The following ATP2B2 variants were observed in gnomAD, a reference collection of about 807,000 sequenced individuals.
ATP2B2 encodes plasma membrane calcium-transporting ATPase 2.
A neutral mutation model predicts 120.0 loss-of-function variants in ATP2B2; 15 were observed. The observed-to-expected ratio is 0.12, with a 90% confidence interval of 0.08 to 0.19. ATP2B2 has a LOEUF of 0.19. Among genes scored for constraint, ATP2B2 ranks in the 10% least tolerant of loss-of-function variants. ATP2B2 has a pLI of 1.00. For synonymous variants in ATP2B2, 694 were observed against 700.3 expected (o/e 0.99, Z 0.14); for missense variants, 1,045 against 1,719.8 (o/e 0.61, Z 6.94).
At chr3:10,610,265 A>G (rs374584701) in intron 2 of ATP2B2, among the ~76,000 whole-genome samples, 6 of 151,920 alleles carry the variant, frequency 3.9e-5, no homozygotes, top group African/African-American at 1.4e-4. Context: ...CTTGAAGCCG[A>G]AGGGCATGAG....
chr3:10,355,729 G>A (rs2060695707), intron 14 of ATP2B2, among the ~76,000 whole-genome samples: 1 of 152,178 alleles, frequency 6.6e-6, no homozygotes, highest in Non-Finnish European at 1.5e-5. Flanking sequence ...CCCTGGGCAT[G>A]GGGAGCTCTC....
intron 1 of ATP2B2, among the ~76,000 whole-genome samples, chr3:10,707,454 C>T (rs2071913445): frequency 6.6e-6 from 1 of 152,200 alleles, no homozygotes; most frequent in South Asian, 2.1e-4. Flanking sequence ...CTGCAGCTCT[C>T]AACCTGTCCC....
At position 10,698,342 on chromosome 3, in the gene ATP2B2, AAGAC is replaced by A. The variant is rs1252067204; in HGVS notation, c.-460+9569_-460+9572del. 4.6e-5 allele frequency among the ~76,000 whole-genome samples: 7 copies of A among 152,290 alleles called. No individual in the cohort carries two copies. In the South Asian group the frequency reaches 8.3e-4, roughly 18 times the overall value. On this transcript the variant is annotated intron_variant, in intron 1 of 21. Coordinates refer to the ATP2B2 transcript ENST00000646379. Reference sequence around the variant, plus strand: ...ATGCCTTCTGGTTGACAATGGCAGAAAGACAGAAGGACCATGGGTTTTGATGGCA... The same window carrying A: ...ATGCCTTCTGGTTGACAATGGCAGAAAGAAGGACCATGGGTTTTGATGGCA...
At chr3:10,580,244 G>C (rs1437033003) in intron 2 of ATP2B2, among the ~76,000 whole-genome samples, 2 of 152,174 alleles carry the variant, frequency 1.3e-5, no homozygotes, top group Non-Finnish European at 2.9e-5. Context: ...AGGAAACGCG[G>C]AATACTCTAA....
intron 1 of ATP2B2, among the ~76,000 whole-genome samples, chr3:10,631,603 G>T (rs1559496336): frequency 6.6e-6 from 1 of 152,150 alleles, no homozygotes; most frequent in African/African-American, 2.4e-5. Context: ...GGCTACTGTG[G>T]ACATGGTGGG....
rs369504156 is a variant in ATP2B2, at chr3:10,431,751, A to C, written c.199+17594T>G. The stretch of plus-strand genomic sequence containing the variant: ...AACATCTACTGAATGAATAACTTAA[A>C]AAAAAAAAAAGGATTTCCCAGTGTC... On this transcript the variant is annotated intron_variant, in intron 2 of 22. Transcript: ENST00000360273. Among the ~76,000 whole-genome samples, 15 of 151,802 alleles carry C rather than the reference A, an allele frequency of 9.9e-5. 1 individual carries two copies. The East Asian group carries it at 2.1e-3, about 22-fold the overall frequency.
chr3:10,585,389 G>A (rs1443234966), intron 2 of ATP2B2, among the ~76,000 whole-genome samples: 1 of 150,444 alleles, frequency 6.6e-6, no homozygotes, highest in African/African-American at 2.4e-5. Context: ...CAGCTACTCA[G>A]AGGCTGAGGC....
intron 3 of ATP2B2, among the ~76,000 whole-genome samples, chr3:10,526,409 G>A (rs1009312356): frequency 1.3e-5 from 2 of 152,194 alleles, no homozygotes; most frequent in Non-Finnish European, 2.9e-5. Context: ...AGGAGCTTGA[G>A]GAGCTCTGCA....
rs1440646007 is a variant in ATP2B2 at position 10,375,140 on chromosome 3, G to A, written c.1416+290C>T. Among the ~76,000 whole-genome samples, 2 of 152,156 alleles carry A rather than the reference G, an allele frequency of 1.3e-5. No homozygotes were observed. The highest frequency in any genetic ancestry group is 4.8e-5 in the African/African-American group (2 of 41,434). ...AGATTTCTGGCTTCTCTTGGAAAAAGGTGACAATGTGGCAATGCTGGGCCT... is the reference window on the plus strand; with the variant it reads ...AGATTTCTGGCTTCTCTTGGAAAAAAGTGACAATGTGGCAATGCTGGGCCT... On this transcript the variant is annotated intron_variant, in intron 11 of 22. Transcript: ENST00000360273. The surrounding 1 kb of genome is among the most constrained non-coding windows in gnomAD (Gnocchi z 4.2).
chr3:10,580,663 C>A (rs904311431), intron 2 of ATP2B2, among the ~76,000 whole-genome samples: 6 of 152,180 alleles, frequency 3.9e-5, no homozygotes, highest in Non-Finnish European at 5.9e-5. Context: ...TGCTCCCACG[C>A]CTTGTTCTTC....
At chr3:10,696,700 C>T (rs563915605) in intron 1 of ATP2B2, among the ~76,000 whole-genome samples, 14 of 152,342 alleles carry the variant, frequency 9.2e-5, no homozygotes, top group African/African-American at 2.6e-4. Flanking sequence ...TTCCACCTCA[C>T]ACAAGGGCAG....
intron 1 of ATP2B2, among the ~76,000 whole-genome samples, chr3:10,674,330 G>T (rs2071192777): frequency 6.6e-6 from 1 of 152,158 alleles, no homozygotes; most frequent in Admixed American, 6.5e-5. Context: ...AGAGAAAATG[G>T]GTCACGTATT....
rs114871532 is a variant in ATP2B2, at chr3:10,610,436, G to A, written c.-415+9481C>T. The stretch of plus-strand genomic sequence containing the variant: ...CAGCAGGATGTCATGCCTTCGAGGC[G>A]GCATCACTAAGCATTTTTCTGCTTC... On this transcript the variant is annotated intron_variant, in intron 2 of 21. Coordinates refer to the ATP2B2 transcript ENST00000646379. 5.5e-3 allele frequency among the ~76,000 whole-genome samples: 830 copies of A among 151,910 alleles called. 9 individuals are homozygous for A. The highest frequency in any genetic ancestry group is 0.019 in the African/African-American group (791 of 41,420).
chr3:10,404,782 C>A (rs1340495250), intron 3 of ATP2B2, among the ~76,000 whole-genome samples: 2 of 152,138 alleles, frequency 1.3e-5, no homozygotes, highest in Non-Finnish European at 2.9e-5. Context: ...CACAGGTGAA[C>A]CTTGCTAAAC....
chr3:10,648,353 T>G (rs2070373070), intron 1 of ATP2B2, among the ~76,000 whole-genome samples: 1 of 152,104 alleles, frequency 6.6e-6, no homozygotes, highest in African/African-American at 2.4e-5. Flanking sequence ...TTCCAACATC[T>G]CTGGCCATGC....
At chr3:10,662,364 G>T (rs1272038881) in intron 1 of ATP2B2, among the ~76,000 whole-genome samples, 1 of 150,216 alleles carries the variant, frequency 6.7e-6, no homozygotes, top group East Asian at 1.9e-4. Context: ...CTAATATCCA[G>T]AATCTACAAA....
chr3:10,611,595 T>C (rs1328369173), intron 2 of ATP2B2, among the ~76,000 whole-genome samples: 1 of 152,152 alleles, frequency 6.6e-6, no homozygotes, highest in South Asian at 2.1e-4. Context: ...TTTGAGCGAC[T>C]CACATGGGAC....
chr3:10,624,685 G>A (rs993874356), intron 1 of ATP2B2, among the ~76,000 whole-genome samples: 1 of 152,168 alleles, frequency 6.6e-6, no homozygotes, highest in Non-Finnish European at 1.5e-5. Flanking sequence ...CAGCCCTGGT[G>A]GAATGAATGA....
chr3:10,486,877 A>G (rs1310984995), intron 1 of ATP2B2, among the ~76,000 whole-genome samples: 1 of 151,792 alleles, frequency 6.6e-6, no homozygotes, highest in Non-Finnish European at 1.5e-5. Context: ...GAGCCACCAC[A>G]CCCAGCTAAT....
Sources: allele counts gnomAD v4.1 joint callset (sites outside exome capture counted in the v4.1 genomes callset), GRCh38; gene constraint gnomAD v4.1.1; non-coding constraint Gnocchi (gnomAD v3.1); transcripts MANE v1.5; gene names NCBI Gene and HGNC (gene_info 2026-07-23, HGNC 2026-07-21).